Variants in IER3 observed in about 807,000 individuals in gnomAD.
The protein encoded by IER3 is immediate early response 3.
In IER3, 5 loss-of-function variants were observed where a neutral mutation model predicts 5.4. The ratio of observed to expected loss-of-function variants is 0.92; its 90% CI spans 0.48 to 1.94. The LOEUF is 1.94. Ranked by LOEUF, IER3 falls within the 30% of genes most tolerant of loss-of-function variation. The pLI is 0.01. For missense variants in IER3, 158 were observed against 218.2 expected (o/e 0.72, Z 1.74); for synonymous variants, 81 against 97.8 (o/e 0.83, Z 1.01).
Position 30,743,659 on chromosome 6 carries a change from T to A in IER3, c.*277A>T. 1 of 534,082 alleles carries A rather than the reference T, an allele frequency of 1.9e-6. No homozygotes were observed. Among genetic ancestry groups the A allele is most frequent in the Non-Finnish European group, 3.2e-6 (1 of 307,822 alleles). 33.1% of individuals were successfully genotyped at this position (534,082 alleles called of 1,614,324 possible). ...CATCACCTAGGAGGACGTACATAAA[T>A]ACATATAAATATTAATTAGGAGCAA... On this transcript the variant is annotated 3_prime_UTR_variant, in exon 2 of 2. Transcript: ENST00000259874. The surrounding 1 kb of genome is among the most constrained non-coding windows in gnomAD (Gnocchi z 6.5).
Position 30,744,067 on chromosome 6 carries a change from C to T in IER3, c.340G>A (p.Ala114Thr), listed in dbSNP as rs1323278247. ...GGCGCCAGGGATGCGGCGTTAGGGG[C>T]GTCCTCTGGAGGCAGGGGCGCCGGC... ...GVPAPLPPEDAPNAASLAPTP... is the reference protein window; with the variant it reads ...GVPAPLPPEDTPNAASLAPTP... The change falls in exon 2 of 2, where the codon GCC becomes ACC. Residue 114 changes from alanine (A) to threonine (T), a missense_variant. Coordinates refer to ENST00000259874, the MANE Select transcript of IER3 (RefSeq NM_003897.4). The surrounding 1 kb of genome is among the most constrained non-coding windows in gnomAD (Gnocchi z 6.0). The T allele has an allele frequency of 6.2e-7, 1 of 1,613,882 alleles. No individual in the cohort carries two copies. Among genetic ancestry groups the T allele is most frequent in the Admixed American group, 1.7e-5 (1 of 59,974 alleles).
At position 30,743,838 on chromosome 6, in the gene IER3, C is replaced by T. The variant is rs1778200113; in HGVS notation, c.*98G>A. 2 of 1,521,634 alleles carry T rather than the reference C, an allele frequency of 1.3e-6. No homozygotes were observed. Among genetic ancestry groups the T allele is most frequent in the Middle Eastern group, 1.8e-4 (1 of 5,436 alleles). The allele number at this position is 1,521,634 out of a possible 1,614,324, so 94.3% of individuals were successfully genotyped here. On this transcript the variant is annotated 3_prime_UTR_variant, in exon 2 of 2. Transcript: ENST00000259874. This position sits in a 1 kb window ranked among gnomAD's most constrained non-coding sequence, Gnocchi z 6.5. Reference sequence around the variant, plus strand: ...GTAGTGTTCTGAGTTCAAGTTGCCTCGGAAGTCCCAGTTGGGGATACGCTC... The same window carrying T: ...GTAGTGTTCTGAGTTCAAGTTGCCTTGGAAGTCCCAGTTGGGGATACGCTC...
Position 30,744,238 on chromosome 6 carries a change from C to T in IER3, c.211-42G>A. 1 of 1,613,054 alleles carries T rather than the reference C, an allele frequency of 6.2e-7. No homozygotes were observed. Among genetic ancestry groups the T allele is most frequent in the East Asian group, 2.2e-5 (1 of 44,882 alleles). On this transcript the variant is annotated intron_variant, in intron 1 of 1. Transcript: ENST00000259874. This position sits in a 1 kb window ranked among gnomAD's most constrained non-coding sequence, Gnocchi z 6.0. ...CAGGAGACAGGTCAGGTCGAGGCCT[C>T]TGGAGTCGGGTCGTTCCCCAGTGAC...
rs1034278515 is a variant in IER3, at chr6:30,743,997, T to G, written c.410A>C (p.Glu137Ala). ...GAGGTCCAGAGCGTAGTCCGAGGGC[T>G]CCGAAGTCAGATTAAAGGGCTCGAG... ...AVLEPFNLTSEPSDYALDLST... is the reference protein window; with the variant it reads ...AVLEPFNLTSAPSDYALDLST... Residue 137 changes from glutamate (E) to alanine (A), a missense_variant, in exon 2 of 2, where the codon GAG (glutamate) becomes GCG (alanine). Coordinates refer to ENST00000259874, the MANE Select transcript of IER3 (RefSeq NM_003897.4). This position sits in a 1 kb window ranked among gnomAD's most constrained non-coding sequence, Gnocchi z 6.5. 12 of 1,613,734 alleles carry G rather than the reference T, an allele frequency of 7.4e-6. No homozygotes were observed. In the African/African-American group the frequency reaches 1.2e-4, roughly 16 times the overall value.
chr6:30,743,857 T>A lies in IER3; in HGVS notation c.*79A>T, dbSNP rs1324988683. 2 of 1,565,420 alleles carry A rather than the reference T, an allele frequency of 1.3e-6. No individual in the cohort carries two copies. The highest frequency in any genetic ancestry group is 2.1e-5 in the Admixed American group (1 of 47,096). On this transcript the variant is annotated 3_prime_UTR_variant, in exon 2 of 2. Coordinates refer to ENST00000259874, the MANE Select transcript of IER3 (RefSeq NM_003897.4). This position sits in a 1 kb window ranked among gnomAD's most constrained non-coding sequence, Gnocchi z 6.5. ...TTGCCTCGGAAGTCCCAGTTGGGGA[T>A]ACGCTCTCGCGCACCAGGTACGCCT...
chr6:30,744,075 G>A lies in IER3; in HGVS notation c.332C>T (p.Pro111Leu). 1 of 1,614,122 alleles carries A rather than the reference G, an allele frequency of 6.2e-7. No individual in the cohort carries two copies. Among genetic ancestry groups the A allele is most frequent in the Non-Finnish European group, 8.5e-7 (1 of 1,179,970 alleles). ...AEEGVPAPLP[P>L]EDAPNAASLA... ...GGATGCGGCGTTAGGGGCGTCCTCTGGAGGCAGGGGCGCCGGCACACCCTC... is the reference window on the plus strand; with the variant it reads ...GGATGCGGCGTTAGGGGCGTCCTCTAGAGGCAGGGGCGCCGGCACACCCTC... The change falls in exon 2 of 2, where the codon CCA becomes CTA. Residue 111 changes from proline (P) to leucine (L), a missense_variant. Transcript: ENST00000259874. This position sits in a 1 kb window ranked among gnomAD's most constrained non-coding sequence, Gnocchi z 6.0.
In IER3 at chr6:30,744,207, A is replaced by T. The variant is rs370885907; in HGVS notation, c.211-11T>A. 1.9e-5 allele frequency: 30 copies of T among 1,613,126 alleles called. No homozygotes were observed. The highest frequency in any genetic ancestry group is 2.5e-5 in the Non-Finnish European group (30 of 1,180,022). On this transcript the variant is annotated splice_polypyrimidine_tract_variant and intron_variant, in intron 1 of 1. Transcript: ENST00000259874. This position sits in a 1 kb window ranked among gnomAD's most constrained non-coding sequence, Gnocchi z 6.0. ...CAGCTGGCGCCGGACCTAAGGGGAG[A>T]CAAAACAGGAGACAGGTCAGGTCGA... is the stretch of plus-strand genomic sequence containing the variant.
chr6:30,744,327 C>T lies in IER3; in HGVS notation c.192G>A (p.Arg64=). ...TACTCACCACTCGAGGGTAGAGAACCCTGCGGCTGCGCTTTCGGTGCCCGC... is the reference window on the plus strand; with the variant it reads ...TACTCACCACTCGAGGGTAGAGAACTCTGCGGCTGCGCTTTCGGTGCCCGC... ...ASRGHRKRSR[R]VLYPRVVRRQ... is the part of the protein sequence containing the mutation. The change falls in exon 1 of 2, where the codon AGG becomes AGA. Residue 64 remains arginine (R), a synonymous_variant. Transcript: ENST00000259874. This position sits in a 1 kb window ranked among gnomAD's most constrained non-coding sequence, Gnocchi z 6.0. 2 of 1,612,564 alleles carry T rather than the reference C, an allele frequency of 1.2e-6. No homozygotes were observed. Among genetic ancestry groups the T allele is most frequent in the Non-Finnish European group, 1.7e-6 (2 of 1,179,944 alleles).
At position 30,743,652 on chromosome 6, in the gene IER3, A is replaced by G. The variant is rs1211915438; in HGVS notation, c.*284T>C. ...ACATCTCCATCACCTAGGAGGACGTACATAAATACATATAAATATTAATTA... is the reference window on the plus strand; with the variant it reads ...ACATCTCCATCACCTAGGAGGACGTGCATAAATACATATAAATATTAATTA... On this transcript the variant is annotated 3_prime_UTR_variant, in exon 2 of 2. Coordinates refer to ENST00000259874, the MANE Select transcript of IER3 (RefSeq NM_003897.4). This position sits in a 1 kb window ranked among gnomAD's most constrained non-coding sequence, Gnocchi z 6.5. The G allele has an allele frequency of 1.9e-6, 1 of 525,896 alleles. No individual in the cohort carries two copies. Among genetic ancestry groups the G allele is most frequent in the Non-Finnish European group, 3.3e-6 (1 of 302,708 alleles). 32.6% of individuals were successfully genotyped at this position (525,896 alleles called of 1,614,324 possible). A position where few individuals can be genotyped will look rare whatever the true frequency, so the allele number is the denominator to read the frequency against.
chr6:30,744,388 G>A lies in IER3; in HGVS notation c.131C>T (p.Pro44Leu), dbSNP rs755555050. ...GGGGCGCCCGGCAGGGGCCGCTGCG[G>A]GCTCCGGGAGAGGGTCGAAGGTGAA... ...EIFTFDPLPE[P>L]AAAPAGRPSA... is the part of the protein sequence containing the mutation. The change falls in exon 1 of 2, where the codon CCC becomes CTC. Residue 44 changes from proline to leucine, a missense_variant. By Grantham distance (98) the Pro-to-Leu change is moderately conservative. Transcript: ENST00000259874. This position sits in a 1 kb window ranked among gnomAD's most constrained non-coding sequence, Gnocchi z 6.0. 1 of 1,593,694 alleles carries A rather than the reference G, an allele frequency of 6.3e-7. No individual in the cohort carries two copies. The highest frequency in any genetic ancestry group is 8.5e-7 in the Non-Finnish European group (1 of 1,172,830).
At position 30,743,875 on chromosome 6, in the gene IER3, G is replaced by C; in HGVS notation, c.*61C>G. The C allele has an allele frequency of 6.3e-7, 1 of 1,583,636 alleles. No individual in the cohort carries two copies. Among genetic ancestry groups the C allele is most frequent in the South Asian group, 1.2e-5 (1 of 86,274 alleles). On this transcript the variant is annotated 3_prime_UTR_variant, in exon 2 of 2. Coordinates refer to ENST00000259874, the MANE Select transcript of IER3 (RefSeq NM_003897.4). The surrounding 1 kb of genome is among the most constrained non-coding windows in gnomAD (Gnocchi z 6.5). ...TTGGGGATACGCTCTCGCGCACCAGGTACGCCTGGTGTTTCTTTGTGGTTT... is the reference window on the plus strand; with the variant it reads ...TTGGGGATACGCTCTCGCGCACCAGCTACGCCTGGTGTTTCTTTGTGGTTT...
chr6:30,743,562 G>A lies in IER3; in HGVS notation c.*374C>T. On this transcript the variant is annotated 3_prime_UTR_variant, in exon 2 of 2. Transcript: ENST00000259874. This position sits in a 1 kb window ranked among gnomAD's most constrained non-coding sequence, Gnocchi z 6.5. ...CCACAAAGCTCAATAAATACCAAGAGACCTGCATTTACAGCAGGGGGAACA... is the reference window on the plus strand; with the variant it reads ...CCACAAAGCTCAATAAATACCAAGAAACCTGCATTTACAGCAGGGGGAACA... 3 of 266,994 alleles carry A rather than the reference G, an allele frequency of 1.1e-5. No homozygotes were observed. Among genetic ancestry groups the A allele is most frequent in the Non-Finnish European group, 2.1e-5 (3 of 143,262 alleles). 16.5% of individuals were successfully genotyped at this position (266,994 alleles called of 1,614,324 possible). A position where few individuals can be genotyped will look rare whatever the true frequency, so the allele number is the denominator to read the frequency against.
At position 30,743,717 on chromosome 6, in the gene IER3, C is replaced by T; in HGVS notation, c.*219G>A. The stretch of plus-strand genomic sequence containing the variant: ...TAAATTAACGACGCTCTCCTTCCCA[C>T]CGGGCCTAGCCCCAGCTGGGCTGTG... On this transcript the variant is annotated 3_prime_UTR_variant, in exon 2 of 2. Transcript: ENST00000259874. The surrounding 1 kb of genome is among the most constrained non-coding windows in gnomAD (Gnocchi z 6.5). The T allele has an allele frequency of 3.5e-6, 2 of 577,838 alleles. No homozygotes were observed. Among genetic ancestry groups the T allele is most frequent in the Non-Finnish European group, 5.9e-6 (2 of 337,138 alleles). The allele number at this position is 577,838 out of a possible 1,614,324, so 35.8% of individuals were successfully genotyped here.
rs1374672482 is a variant in IER3, at chr6:30,743,544, G to A, written c.*392C>T. 1 of 226,682 alleles carries A rather than the reference G, an allele frequency of 4.4e-6. No homozygotes were observed. The highest frequency in any genetic ancestry group is 2.3e-5 in the African/African-American group (1 of 43,260). 14.0% of individuals were successfully genotyped at this position (226,682 alleles called of 1,614,324 possible). A position where few individuals can be genotyped will look rare whatever the true frequency, so the allele number is the denominator to read the frequency against. On this transcript the variant is annotated 3_prime_UTR_variant, in exon 2 of 2. Transcript: ENST00000259874. This position sits in a 1 kb window ranked among gnomAD's most constrained non-coding sequence, Gnocchi z 6.5. ...GTCCTGCTTCCACCAGTCCCACAAA[G>A]CTCAATAAATACCAAGAGACCTGCA...
At position 30,744,088 on chromosome 6, in the gene IER3, C is replaced by G; in HGVS notation, c.319G>C (p.Ala107Pro). 6.2e-7 allele frequency: 1 copy of G among 1,614,050 alleles called. No individual in the cohort carries two copies. The highest frequency in any genetic ancestry group is 8.5e-7 in the Non-Finnish European group (1 of 1,179,968). The change falls in exon 2 of 2, where the codon GCG becomes CCG. Residue 107 changes from alanine to proline, a missense_variant. Ala to Pro is a conservative substitution (Grantham distance 27). Transcript: ENST00000259874. This position sits in a 1 kb window ranked among gnomAD's most constrained non-coding sequence, Gnocchi z 6.0. ...QILMAEEGVP[A>P]PLPPEDAPNA... Reference sequence around the variant, plus strand: ...GGGGCGTCCTCTGGAGGCAGGGGCGCCGGCACACCCTCTTCAGCCATCAGG... The same window carrying G: ...GGGGCGTCCTCTGGAGGCAGGGGCGGCGGCACACCCTCTTCAGCCATCAGG...
Position 30,744,228 on chromosome 6 carries a change from G to T in IER3, c.211-32C>A. On this transcript the variant is annotated intron_variant, in intron 1 of 1. Transcript: ENST00000259874. The surrounding 1 kb of genome is among the most constrained non-coding windows in gnomAD (Gnocchi z 6.0). Reference sequence around the variant, plus strand: ...GGAGACAAAACAGGAGACAGGTCAGGTCGAGGCCTCTGGAGTCGGGTCGTT... The same window carrying T: ...GGAGACAAAACAGGAGACAGGTCAGTTCGAGGCCTCTGGAGTCGGGTCGTT... The T allele has an allele frequency of 6.2e-7, 1 of 1,613,142 alleles. No homozygotes were observed. The highest frequency in any genetic ancestry group is 8.5e-7 in the Non-Finnish European group (1 of 1,180,050).
At position 30,744,453 on chromosome 6, in the gene IER3, G is replaced by T; in HGVS notation, c.66C>A (p.Ser22=). 2 of 1,533,788 alleles carry T rather than the reference G, an allele frequency of 1.3e-6. No homozygotes were observed. Among genetic ancestry groups the T allele is most frequent in the Non-Finnish European group, 1.7e-6 (2 of 1,146,602 alleles). ...AGCCCCGCCGGGGTCCCGGGATGGT[G>T]GAGGGGGCCGGGGTCGGGGCCTGCA... is the stretch of plus-strand genomic sequence containing the variant. The part of the protein sequence containing the change: ...TILQAPTPAP[S]TIPGPRRGSG... Residue 22 remains serine, a synonymous_variant, in exon 1 of 2, where the codon TCC becomes TCA. Transcript: ENST00000259874. This position sits in a 1 kb window ranked among gnomAD's most constrained non-coding sequence, Gnocchi z 6.0.
In IER3 at chr6:30,744,164, G is replaced by A; in HGVS notation, c.243C>T (p.Asn81=). The stretch of plus-strand genomic sequence containing the variant: ...GCAGAAAGAGAAGCCTTTTGGCTGG[G>A]TTCGGTTCCTCGACTGGCAGCTGGC... The part of the protein sequence containing the change: ...VRRQLPVEEP[N]PAKRLLFLLL... The change falls in exon 2 of 2, where the codon AAC becomes AAT. Residue 81 remains asparagine (N), a synonymous_variant. Transcript: ENST00000259874. The surrounding 1 kb of genome is among the most constrained non-coding windows in gnomAD (Gnocchi z 6.0). 1 of 1,613,838 alleles carries A rather than the reference G, an allele frequency of 6.2e-7. No homozygotes were observed. Among genetic ancestry groups the A allele is most frequent in the Non-Finnish European group, 8.5e-7 (1 of 1,180,006 alleles).
chr6:30,743,704 G>A lies in IER3; in HGVS notation c.*232C>T, dbSNP rs1778190957. On this transcript the variant is annotated 3_prime_UTR_variant, in exon 2 of 2. Coordinates refer to ENST00000259874, the MANE Select transcript of IER3 (RefSeq NM_003897.4). The surrounding 1 kb of genome is among the most constrained non-coding windows in gnomAD (Gnocchi z 6.5). The stretch of plus-strand genomic sequence containing the variant: ...GAGCAATAAGAAATAAATTAACGAC[G>A]CTCTCCTTCCCACCGGGCCTAGCCC... 1.8e-6 allele frequency: 1 copy of A among 558,264 alleles called. No individual in the cohort carries two copies. Among genetic ancestry groups the A allele is most frequent in the East Asian group, 3.1e-5 (1 of 32,054 alleles). The allele number at this position is 558,264 out of a possible 1,614,324, so 34.6% of individuals were successfully genotyped here. A position where few individuals can be genotyped will look rare whatever the true frequency, so the allele number is the denominator to read the frequency against.
Sources: allele counts gnomAD v4.1 joint callset, GRCh38; gene constraint gnomAD v4.1.1; non-coding constraint Gnocchi (gnomAD v3.1); transcripts MANE v1.5; gene names NCBI Gene and HGNC (gene_info 2026-07-23, HGNC 2026-07-21).